Variants in VSIG10L2 observed in about 807,000 individuals in gnomAD.
VSIG10L2 encodes V-set and immunoglobulin domain containing 10 like 2.
In VSIG10L2, 56 loss-of-function variants were observed where a neutral mutation model predicts 67.1. The observed-to-expected ratio is 0.83, with a 90% confidence interval of 0.67 to 1.04. VSIG10L2 has a LOEUF of 1.04. VSIG10L2 is among the 50% of genes least tolerant of loss of function. VSIG10L2 has a pLI of 0.00. For missense variants in VSIG10L2, 843 were observed against 932.8 expected (o/e 0.90, Z 1.25); for synonymous variants, 360 against 396.6 (o/e 0.91, Z 1.10).
At chr11:125,954,766 G>A (rs747844944) in intron 8 of VSIG10L2, among the ~76,000 whole-genome samples, 1 of 152,138 alleles carries the variant, frequency 6.6e-6, no homozygotes, top group East Asian at 1.9e-4. Context: ...CTGATTTTAC[G>A]GCATGCTCCC....
At chr11:125,948,256 G>A (rs936667807) in intron 2 of VSIG10L2, 49 bp from the exon 3 acceptor site, 74 of 1,232,102 alleles carry the variant, frequency 6.0e-5, no homozygotes, top group African/African-American at 1.2e-4. Context: ...ACAGCTGGGC[G>A]TGTCCTGGGT....
At chr11:125,952,460 G>A (rs1178683222) in intron 6 of VSIG10L2, among the ~76,000 whole-genome samples, 2 of 152,012 alleles carry the variant, frequency 1.3e-5, no homozygotes, top group African/African-American at 4.8e-5. Flanking sequence ...TTTATATCTT[G>A]TCTCCAAAAT....
chr11:125,947,679 T>G lies in VSIG10L2; in HGVS notation c.83-7T>G. 1.6e-6 allele frequency: 2 copies of G among 1,232,238 alleles called. No homozygotes were observed. The highest frequency in any genetic ancestry group is 1.0e-6 in the Non-Finnish European group (1 of 988,126). The allele number at this position is 1,232,238 out of a possible 1,614,324, so 76.3% of individuals were successfully genotyped here. ...CAGAAGTCCTGCTATGCCCCTTCTC[T>G]CCCCAGGCCAGCCCCACCCGACCCC... On this transcript the variant is annotated splice_region_variant and splice_polypyrimidine_tract_variant and intron_variant, in intron 1 of 11. Coordinates refer to ENST00000686984, the MANE Select transcript of VSIG10L2 (RefSeq NM_001365077.2).
intron 8 of VSIG10L2, among the ~76,000 whole-genome samples, 173 bp downstream of exon 8, chr11:125,954,556 G>A (rs899637117): frequency 4.0e-5 from 6 of 151,872 alleles, no homozygotes; most frequent in South Asian, 2.1e-4. Context: ...TAATCTCCAC[G>A]ACTCTTTCCT....
At chr11:125,953,813 C>CT (rs1384519138) in intron 7 of VSIG10L2, 123 bp downstream of exon 7, 1 of 974,094 alleles carries the variant, frequency 1.0e-6, no homozygotes. Flanking sequence ...CTTGAGCTTC[C>CT]TTGGGCATAG....
chr11:125,948,136 C>T, intron 2 of VSIG10L2, 100 bp downstream of exon 2: 1 of 1,231,556 alleles, frequency 8.1e-7, no homozygotes, highest in Non-Finnish European at 1.0e-6. Context: ...GACCCAGGTT[C>T]TAAAGGGCGC....
At position 125,951,152 on chromosome 11, in the gene VSIG10L2, A is replaced by G; in HGVS notation, c.1228A>G (p.Met410Val). 8.1e-7 allele frequency: 1 copy of G among 1,232,790 alleles called. No individual in the cohort carries two copies. Among genetic ancestry groups the G allele is most frequent in the Admixed American group, 4.2e-5 (1 of 23,740 alleles). 76.4% of individuals were successfully genotyped at this position (1,232,790 alleles called of 1,614,324 possible). A position where few individuals can be genotyped will look rare whatever the true frequency, so the allele number is the denominator to read the frequency against. The change falls in exon 5 of 12, where the codon ATG becomes GTG. Residue 410 changes from methionine (M) to valine (V), a missense_variant. Met to Val is a conservative substitution (Grantham distance 21). Transcript: ENST00000686984. ...GGCACCGCCTGCCCTCTGCACAGTC[A>G]TGCTCTGTGAGTGGACACAGGAAAC... Reference protein sequence around the residue: ...ALAPPALCTVMLWEPLGRPTC... With the variant: ...ALAPPALCTVVLWEPLGRPTC...
intron 4 of VSIG10L2, 49 bp downstream of exon 4, chr11:125,950,338 A>C: frequency 7.2e-5 from 88 of 1,230,662 alleles, no homozygotes; most frequent in South Asian, 1.2e-4. Context: ...GGGACAACTC[A>C]CGCTGGAGCC....
In VSIG10L2 at chr11:125,950,198, T is replaced by C. The variant is rs1002615973; in HGVS notation, c.894T>C (p.Ala298=). ...GGCCTACCTATGTCATCGCCAGAGCTGGCCGTGTCCACACAGGCCTGTACA... is the reference window on the plus strand; with the variant it reads ...GGCCTACCTATGTCATCGCCAGAGCCGGCCGTGTCCACACAGGCCTGTACA... The part of the protein sequence containing the change: ...HTGPTYVIAR[A]GRVHTGLYTC... The change falls in exon 4 of 12, where the codon GCT becomes GCC. Residue 298 remains alanine, a synonymous_variant. Transcript: ENST00000686984. The C allele has an allele frequency of 4.1e-6, 5 of 1,232,240 alleles. No homozygotes were observed. The highest frequency in any genetic ancestry group is 3.1e-4 in the Middle Eastern group (1 of 3,236). The allele number at this position is 1,232,240 out of a possible 1,614,324, so 76.3% of individuals were successfully genotyped here. A position where few individuals can be genotyped will look rare whatever the true frequency, so the allele number is the denominator to read the frequency against.
At chr11:125,947,583 C>T (rs1398527862) in intron 1 of VSIG10L2, 103 bp from the exon 2 acceptor site, 17 of 1,231,108 alleles carry the variant, frequency 1.4e-5, no homozygotes, top group Non-Finnish European at 1.6e-5. Flanking sequence ...CTGCCTGGGC[C>T]GCTTGGGACT....
chr11:125,948,107 T>G (rs564651290), intron 2 of VSIG10L2, 71 bp downstream of exon 2: 1 of 1,231,970 alleles, frequency 8.1e-7, no homozygotes, highest in African/African-American at 1.5e-5. Context: ...TGCTGCCCAT[T>G]CCCTTTGTGT....
chr11:125,951,344 A>C (rs1945366965), intron 5 of VSIG10L2, among the ~76,000 whole-genome samples, 186 bp downstream of exon 5: 1 of 151,664 alleles, frequency 6.6e-6, no homozygotes, highest in Admixed American at 6.6e-5. Flanking sequence ...TCCCATCCAC[A>C]CTGTGCTCTG....
At chr11:125,950,427 C>A in intron 4 of VSIG10L2, 138 bp downstream of exon 4, 1 of 922,584 alleles carries the variant, frequency 1.1e-6, no homozygotes, top group Non-Finnish European at 1.4e-6. Context: ...GGAGGGAGGT[C>A]TCCAACCAAG....
Position 125,955,884 on chromosome 11 carries a change from T to A in VSIG10L2, c.2352T>A (p.Asn784Lys), listed in dbSNP as rs1410940712. The change falls in exon 12 of 12, where the codon AAT (asparagine) becomes AAA (lysine). Residue 784 changes from asparagine (N) to lysine (K), a missense_variant. Asn to Lys is a moderately conservative substitution (Grantham distance 94, BLOSUM62 0). Transcript: ENST00000686984. ...AAGAAACCACGGATTCTCCAGTGAA[T>A]GTCACCATCACAGTGACTGCAACAC... Reference protein sequence around the residue: ...PAQETTDSPVNVTITVTATP With the variant: ...PAQETTDSPVKVTITVTATP 1.5e-6 allele frequency: 1 copy of A among 688,082 alleles called. No homozygotes were observed. The highest frequency in any genetic ancestry group is 2.6e-6 in the Non-Finnish European group (1 of 379,616). The allele number at this position is 688,082 out of a possible 1,614,324, so 42.6% of individuals were successfully genotyped here.
In VSIG10L2 at chr11:125,950,047, CG is replaced by C; in HGVS notation, c.744del (p.Leu249TrpfsTer16). On this transcript the variant is annotated frameshift_variant, in exon 4 of 12. Coordinates refer to ENST00000686984, the MANE Select transcript of VSIG10L2 (RefSeq NM_001365077.2). LOFTEE classifies it high-confidence loss of function. The stretch of plus-strand genomic sequence containing the variant: ...GACAAGCCTGTGATCACCATGGAGC[CG>C]CTGGGACTCACTGAGGAGGGCTTCT... ...GPDKPVITMEPLGLTEEGFWA... is the reference protein window; with the variant it reads ...GPDKPVITMEXLGLTEEGFWA... 8.1e-7 allele frequency: 1 copy of C among 1,232,354 alleles called. No individual in the cohort carries two copies. The highest frequency in any genetic ancestry group is 1.0e-6 in the Non-Finnish European group (1 of 988,146). 76.3% of individuals were successfully genotyped at this position (1,232,354 alleles called of 1,614,324 possible). A position where few individuals can be genotyped will look rare whatever the true frequency, so the allele number is the denominator to read the frequency against.
At chr11:125,951,785 G>A (rs1305940447) in intron 5 of VSIG10L2, 28 bp from the exon 6 acceptor site, 1 of 1,471,904 alleles carries the variant, frequency 6.8e-7, no homozygotes. Flanking sequence ...CCTTCCACAG[G>A]GCCATACTGA....
At chr11:125,947,394 G>A (rs926411175) in intron 1 of VSIG10L2, 8 of 985,010 alleles carry the variant, frequency 8.1e-6, no homozygotes, top group South Asian at 9.4e-5. Context: ...TGACGTCCAC[G>A]AATCTGCCTT....
rs78102456 is a variant in VSIG10L2, at chr11:125,953,710, C to G, written c.1786+20C>G. The G allele has an allele frequency of 1.6e-6, 2 of 1,231,850 alleles. No homozygotes were observed. The highest frequency in any genetic ancestry group is 1.6e-5 in the African/African-American group (1 of 64,360). 76.3% of individuals were successfully genotyped at this position (1,231,850 alleles called of 1,614,324 possible). ...TCCTGAGTGAGTGAGGGGTTGAATG[C>G]GTGTGTGTGGTGAGGTGGGGGCTGG... On this transcript the variant is annotated intron_variant, in intron 7 of 11. Coordinates refer to ENST00000686984, the MANE Select transcript of VSIG10L2 (RefSeq NM_001365077.2).
Position 125,954,325 on chromosome 11 carries a change from C to A in VSIG10L2, c.2025C>A (p.Phe675Leu), listed in dbSNP as rs1945421079. Residue 675 changes from phenylalanine (F) to leucine (L), a missense_variant, in exon 8 of 12, where the codon TTC becomes TTA. Phe to Leu is a conservative substitution (Grantham distance 22, BLOSUM62 0). Around this residue, in one of 2 missense-constraint regions of VSIG10L2, gnomAD observed 397 missense variants for 384.4 expected, o/e 1.03. Transcript: ENST00000686984. The stretch of plus-strand genomic sequence containing the variant: ...TGGACCCCGGGGTCCTTTATGCCTT[C>A]CGCATCCTGGCTCTGAATCACCACA... ...GGLDPGVLYA[F>L]RILALNHHTA... is the part of the protein sequence containing the mutation. 2.4e-6 allele frequency: 3 copies of A among 1,232,038 alleles called. No individual in the cohort carries two copies. The highest frequency in any genetic ancestry group is 3.0e-6 in the Non-Finnish European group (3 of 987,976). 76.3% of individuals were successfully genotyped at this position (1,232,038 alleles called of 1,614,324 possible).
Sources: allele counts gnomAD v4.1 joint callset (sites outside exome capture counted in the v4.1 genomes callset), GRCh38; gene constraint gnomAD v4.1.1; regional missense constraint gnomAD v4.1.1; transcripts MANE v1.5; gene names NCBI Gene and HGNC (gene_info 2026-07-23, HGNC 2026-07-21).